CTNNA2: variants seen among roughly 807,000 people sequenced by gnomAD.
The protein encoded by CTNNA2 is catenin alpha-2.
Under a neutral mutation model 101.0 loss-of-function variants are expected in CTNNA2, and 42 were observed. The ratio of observed to expected loss-of-function variants is 0.42; its 90% confidence interval spans 0.32 to 0.54. CTNNA2 has a LOEUF of 0.54. CTNNA2 is among the 20% of genes least tolerant of loss of function. The probability of loss-of-function intolerance (pLI) is 0.14; values close to 1 mark genes in which losing one functional copy is unlikely to be tolerated. For missense variants in CTNNA2, 871 were observed against 1,223.1 expected, an observed-to-expected ratio of 0.71 and a Z score of 4.29; for synonymous variants, 450 against 456.4, an observed-to-expected ratio of 0.99 and a Z score of 0.18.
chr2:80,169,658 C>T (rs1175341457), intron 7 of CTNNA2, among the ~76,000 whole-genome samples: 2 of 152,110 alleles, frequency 1.3e-5, no homozygotes, highest in African/African-American at 4.8e-5. Context: ...CTTGGCGGCA[C>T]CTTCCTCTTG....
intron 6 of CTNNA2, among the ~76,000 whole-genome samples, chr2:79,894,381 G>C (rs1289799460): frequency 1.4e-5 from 2 of 148,120 alleles, no homozygotes; most frequent in Non-Finnish European, 3.0e-5. Context: ...GGTAAGCCCA[G>C]CCTTTCTAAA....
At chr2:79,651,477 A>G in intron 1 of CTNNA2, 75 bp from the exon 2 acceptor site, 1 of 1,353,630 alleles carries the variant, frequency 7.4e-7, no homozygotes. Flanking sequence ...TCAGTGATTT[A>G]CCCATTTTGA....
At chr2:80,388,411 A>G (rs1677210519) in intron 7 of CTNNA2, among the ~76,000 whole-genome samples, 1 of 152,218 alleles carries the variant, frequency 6.6e-6, no homozygotes, top group Non-Finnish European at 1.5e-5. Flanking sequence ...GCACTTAGCC[A>G]CGTTTTAGAG....
chr2:79,513,781 C>T (rs1671659145), intron 1 of CTNNA2, among the ~76,000 whole-genome samples: 1 of 152,174 alleles, frequency 6.6e-6, no homozygotes. Context: ...CCAACAGCCC[C>T]CATACCCCTC....
In CTNNA2 at chr2:80,393,199, T is replaced by C. The variant is rs1280114042; in HGVS notation, c.1057-12T>C. On this transcript the variant is annotated splice_polypyrimidine_tract_variant and intron_variant, in intron 7 of 18. Coordinates refer to ENST00000402739, the MANE Select transcript of CTNNA2 (RefSeq NM_001282597.3). ...TATGCTAAATCAGAAATTATTTCTC[T>C]TTTCTTAATAGACTGGAAGGAAAGA... is the stretch of plus-strand genomic sequence containing the variant. 1 of 1,580,200 alleles carries C rather than the reference T, an allele frequency of 6.3e-7. No homozygotes were observed. The highest frequency in any genetic ancestry group is 1.8e-5 in the Admixed American group (1 of 54,070).
At chr2:80,393,645 C>T (rs1299580479) in intron 8 of CTNNA2, among the ~76,000 whole-genome samples, 4 of 152,018 alleles carry the variant, frequency 2.6e-5, no homozygotes, top group East Asian at 1.9e-4. Context: ...ATCAAACTCC[C>T]GGGAATTTAG....
rs189574903 is a variant in CTNNA2, at chr2:79,940,066, A to C, written c.1056+30269A>C. Among the ~76,000 whole-genome samples, 789 of 152,236 alleles carry C rather than the reference A, an allele frequency of 5.2e-3. 7 individuals are homozygous for C. Among genetic ancestry groups the C allele is most frequent in the Non-Finnish European group, 5.9e-3 (401 of 68,000 alleles). ...GAGATTGCACCATTCCGTCTCAAAC[A>C]AAACCAAACCAAACCAAAACCAAAA... On this transcript the variant is annotated intron_variant, in intron 7 of 18. Coordinates refer to ENST00000402739, the MANE Select transcript of CTNNA2 (RefSeq NM_001282597.3).
chr2:80,255,993 CAGTAATA>C (rs1672110898), intron 7 of CTNNA2, among the ~76,000 whole-genome samples: 1 of 152,068 alleles, frequency 6.6e-6, no homozygotes, highest in South Asian at 2.1e-4. Flanking sequence ...TTTGTGTCAG[CAGTAATA>C]CTGCTTTATT....
intron 4 of CTNNA2, among the ~76,000 whole-genome samples, chr2:79,867,386 C>G (rs1682206353): frequency 6.6e-6 from 1 of 150,682 alleles, no homozygotes; most frequent in Non-Finnish European, 1.5e-5. Flanking sequence ...TCTAATCTAT[C>G]TGTCTATCTA....
At position 79,608,434 on chromosome 2, in the gene CTNNA2, A is replaced by T. The variant is rs554928259; in HGVS notation, c.-5-43118A>T. 1.4e-4 allele frequency among the ~76,000 whole-genome samples: 21 copies of T among 152,196 alleles called. No homozygotes were observed. In the South Asian group the frequency reaches 3.1e-3, roughly 22 times the overall value. On this transcript the variant is annotated intron_variant, in intron 1 of 18. Transcript: ENST00000402739. Reference sequence around the variant, plus strand: ...ATATGGCCAGCATTACCTGATGCCAAATTTTAGGGTGAAAATACCAAAAGA... The same window carrying T: ...ATATGGCCAGCATTACCTGATGCCATATTTTAGGGTGAAAATACCAAAAGA...
At position 79,190,982 on chromosome 2, in the gene CTNNA2, G is replaced by T. The variant is rs142858544; in HGVS notation, c.-524+5551G>T. Among the ~76,000 whole-genome samples, 696 of 152,134 alleles carry T rather than the reference G, an allele frequency of 4.6e-3. 4 individuals carry two copies. The highest frequency in any genetic ancestry group is 0.016 in the African/African-American group (666 of 41,516). ...TGTTAGTTCAGCTTTCTCGCTCTCCGCAGACTGGCTTTTCTACCTTTTCAT... is the reference window on the plus strand; with the variant it reads ...TGTTAGTTCAGCTTTCTCGCTCTCCTCAGACTGGCTTTTCTACCTTTTCAT... On this transcript the variant is annotated intron_variant, in intron 1 of 21. Transcript: ENST00000466387.
chr2:79,268,694 G>A (rs1675020604), intron 2 of CTNNA2, among the ~76,000 whole-genome samples: 1 of 152,094 alleles, frequency 6.6e-6, no homozygotes, highest in African/African-American at 2.4e-5. Context: ...ACTGTGTTGG[G>A]AGGACACCTG....
At chr2:80,541,593 A>G (rs1173655204) in intron 9 of CTNNA2, among the ~76,000 whole-genome samples, 1 of 152,200 alleles carries the variant, frequency 6.6e-6, no homozygotes, top group Non-Finnish European at 1.5e-5. Context: ...TCCTTCTGTT[A>G]GAGTCCAGCT....
At chr2:80,433,649 TA>T (rs1681754477) in intron 9 of CTNNA2, among the ~76,000 whole-genome samples, 1 of 152,126 alleles carries the variant, frequency 6.6e-6, no homozygotes, top group Non-Finnish European at 1.5e-5. Context: ...CTCTAATTCA[TA>T]AGTTAAACTC....
chr2:79,570,168 A>C (rs1484948729), intron 1 of CTNNA2, among the ~76,000 whole-genome samples: 2 of 152,116 alleles, frequency 1.3e-5, no homozygotes, highest in South Asian at 2.1e-4. Flanking sequence ...TAAGTTACCC[A>C]CTGTAATATA....
At chr2:80,409,260 T>C (rs1475370702) in intron 8 of CTNNA2, among the ~76,000 whole-genome samples, 1 of 151,804 alleles carries the variant, frequency 6.6e-6, no homozygotes, top group Non-Finnish European at 1.5e-5. Flanking sequence ...CCTGTTCTGA[T>C]GGAGGGGTGG....
At chr2:80,308,955 G>C (rs190163465) in intron 7 of CTNNA2, among the ~76,000 whole-genome samples, 2,083 of 152,134 alleles carry the variant, frequency 0.014, 30 homozygotes, top group Non-Finnish European at 0.021. Context: ...CAGGCGTGGT[G>C]GTGGGTGCCT....
intron 2 of CTNNA2, among the ~76,000 whole-genome samples, chr2:79,711,499 G>A (rs1381550338): frequency 1.3e-5 from 2 of 152,112 alleles, no homozygotes; most frequent in Non-Finnish European, 2.9e-5. Context: ...AAAGACAACC[G>A]AGTATATCGC....
At chr2:80,373,579 T>C (rs1675649661) in intron 7 of CTNNA2, among the ~76,000 whole-genome samples, 1 of 152,206 alleles carries the variant, frequency 6.6e-6, no homozygotes, top group African/African-American at 2.4e-5. Flanking sequence ...ATGAGAAATA[T>C]TTGAGGACCA....
Sources: gnomAD v4.1 joint callset for allele counts (sites outside exome capture counted in the v4.1 genomes callset) on GRCh38, gnomAD v4.1.1 for gene constraint, MANE v1.5 for transcripts, NCBI Gene and HGNC (gene_info 2026-07-23, HGNC 2026-07-21) for gene names.